PLCE1: variants seen among roughly 807,000 people sequenced by gnomAD.
The protein encoded by PLCE1 is phospholipase C epsilon 1.
Under a neutral mutation model 242.8 loss-of-function variants are expected in PLCE1, and 119 were observed. The ratio of observed to expected loss-of-function variants is 0.49; its 90% CI spans 0.42 to 0.57. The LOEUF is 0.57. Among genes scored for constraint, PLCE1 ranks in the 20% least tolerant of loss-of-function variants. PLCE1 has a pLI of 0.00. For missense variants in PLCE1, 2,441 were observed against 2,788.8 expected (o/e 0.88, Z 2.81); for synonymous variants, 945 against 1,017.4 (o/e 0.93, Z 1.35).
chr10:94,205,685 G>C (rs561339367), intron 4 of PLCE1, among the ~76,000 whole-genome samples: 234 of 152,314 alleles, frequency 1.5e-3, no homozygotes, highest in African/African-American at 5.1e-3. Context: ...TTTCCAGGAT[G>C]AGCAGCCCCA....
chr10:94,003,523 C>G (rs946924521), intron 1 of PLCE1, among the ~76,000 whole-genome samples: 1 of 152,180 alleles, frequency 6.6e-6, no homozygotes, highest in Non-Finnish European at 1.5e-5. Flanking sequence ...AGATATTAAT[C>G]TAGAAGCCAC....
intron 2 of PLCE1, among the ~76,000 whole-genome samples, chr10:94,123,334 G>T (rs906193608): frequency 6.6e-6 from 1 of 152,140 alleles, no homozygotes; most frequent in Admixed American, 6.5e-5. Flanking sequence ...AGTGATAAAG[G>T]TTCAGCTTAC....
intron 22 of PLCE1, among the ~76,000 whole-genome samples, chr10:94,286,248 G>GAACTCA (rs1214208258): frequency 2.0e-5 from 3 of 152,120 alleles, no homozygotes; most frequent in African/African-American, 7.2e-5. Context: ...TTTTCAAGAT[G>GAACTCA]GGCTGAACTC....
intron 3 of PLCE1, among the ~76,000 whole-genome samples, chr10:94,147,170 C>T (rs1029566389): frequency 6.6e-6 from 1 of 151,986 alleles, no homozygotes; most frequent in Admixed American, 6.6e-5. Context: ...GCCTGTAATA[C>T]CAGCACTTTG....
chr10:94,112,392 C>G (rs1164899604), intron 2 of PLCE1, among the ~76,000 whole-genome samples: 2 of 152,018 alleles, frequency 1.3e-5, no homozygotes, highest in Non-Finnish European at 2.9e-5. Flanking sequence ...GTAATGTTGG[C>G]TATAAAGAAA....
chr10:94,063,976 G>C (rs563108545), intron 2 of PLCE1, among the ~76,000 whole-genome samples: 2 of 152,274 alleles, frequency 1.3e-5, no homozygotes, highest in Admixed American at 6.5e-5. Context: ...GCTGAAAAAA[G>C]ACCAGACACG....
intron 2 of PLCE1, among the ~76,000 whole-genome samples, chr10:94,129,161 A>G (rs2135872469): frequency 6.6e-6 from 1 of 152,328 alleles, no homozygotes; most frequent in Non-Finnish European, 1.5e-5. Flanking sequence ...CGGAGATGGA[A>G]CAATGAGATG....
intron 5 of PLCE1, among the ~76,000 whole-genome samples, chr10:94,233,445 C>T (rs758840610): frequency 2.0e-4 from 31 of 152,208 alleles, no homozygotes; most frequent in Non-Finnish European, 3.7e-4. Context: ...GTACAAACCA[C>T]ATTACCCTCT....
intron 2 of PLCE1, among the ~76,000 whole-genome samples, chr10:94,076,309 A>C (rs1259433916): frequency 6.6e-6 from 1 of 152,182 alleles, no homozygotes; most frequent in Non-Finnish European, 1.5e-5. Flanking sequence ...CTTAGAGTAA[A>C]GACAGATGTT....
chr10:94,000,416 G>A (rs2060911064), intron 1 of PLCE1, among the ~76,000 whole-genome samples: 4 of 152,184 alleles, frequency 2.6e-5, no homozygotes, highest in African/African-American at 9.7e-5. Context: ...GGTAACAGTA[G>A]TACCTATCAA....
chr10:94,098,778 A>G (rs1338694686), intron 2 of PLCE1, among the ~76,000 whole-genome samples: 1 of 152,202 alleles, frequency 6.6e-6, no homozygotes, highest in Non-Finnish European at 1.5e-5. Context: ...CTTACTTCTT[A>G]CGAATACAAC....
chr10:94,219,160 T>A (rs2049636218), intron 4 of PLCE1, among the ~76,000 whole-genome samples: 1 of 152,020 alleles, frequency 6.6e-6, no homozygotes, highest in Non-Finnish European at 1.5e-5. Context: ...CCCAGCACAG[T>A]GCATACTATA....
At chr10:94,138,265 G>A (rs2046847870) in intron 3 of PLCE1, 1 of 343,648 alleles carries the variant, frequency 2.9e-6, no homozygotes. Flanking sequence ...ATTCCACAGT[G>A]CATATTGTGC....
chr10:94,195,913 C>T (rs1325378018), intron 4 of PLCE1, among the ~76,000 whole-genome samples: 3 of 152,160 alleles, frequency 2.0e-5, no homozygotes, highest in African/African-American at 7.2e-5. Context: ...ACATCAGTTT[C>T]TGCCCCATAA....
chr10:94,119,588 C>T (rs907773946), intron 2 of PLCE1, among the ~76,000 whole-genome samples: 11 of 152,136 alleles, frequency 7.2e-5, no homozygotes, highest in African/African-American at 2.7e-4. Context: ...CTCAACCTTG[C>T]CCTAGCTAAC....
At chr10:94,315,925 G>GTATC (rs2053558255) in intron 28 of PLCE1, among the ~76,000 whole-genome samples, 1 of 85,286 alleles carries the variant, frequency 1.2e-5, no homozygotes, top group African/African-American at 4.7e-5. Context: ...AAGGGATTAA[G>GTATC]TATCTTACCC....
At chr10:94,108,994 T>C (rs547511675) in intron 2 of PLCE1, 1 of 152,344 alleles carries the variant, frequency 6.6e-6, no homozygotes, top group East Asian at 1.9e-4. Flanking sequence ...CAATGACTTG[T>C]CCTAAGGTGC....
intron 1 of PLCE1, among the ~76,000 whole-genome samples, chr10:94,010,467 C>T (rs1378616071): frequency 6.6e-6 from 1 of 152,200 alleles, no homozygotes; most frequent in African/African-American, 2.4e-5. Flanking sequence ...CAAGTGGTTG[C>T]TCTGCAGCCC....
intron 3 of PLCE1, among the ~76,000 whole-genome samples, chr10:94,166,043 A>C (rs896923655): frequency 6.6e-6 from 1 of 152,140 alleles, no homozygotes; most frequent in African/African-American, 2.4e-5. Flanking sequence ...TTATATGTGC[A>C]TTACAAAAAA....
Sources: allele counts gnomAD v4.1 joint callset (sites outside exome capture counted in the v4.1 genomes callset), GRCh38; gene constraint gnomAD v4.1.1; transcripts MANE v1.5; gene names NCBI Gene and HGNC (gene_info 2026-07-23, HGNC 2026-07-21).